The following MINDY4 variants were observed in gnomAD, a reference collection of about 807,000 sequenced individuals.
MINDY4 encodes probable ubiquitin carboxyl-terminal hydrolase MINDY-4.
A neutral mutation model predicts 87.0 loss-of-function variants in MINDY4; 68 were observed. The observed-to-expected ratio is 0.78, with a 90% CI of 0.64 to 0.96. The LOEUF (loss-of-function observed/expected upper bound fraction) is 0.96, where lower values mean the gene tolerates loss of function less well. MINDY4 is among the 40% of genes least tolerant of loss of function. The pLI, the probability that MINDY4 is intolerant of heterozygous loss-of-function variation, is 0.00. For missense variants in MINDY4, 919 were observed against 928.2 expected, an observed-to-expected ratio of 0.99 and a Z score of 0.13; for synonymous variants, 379 against 363.2, an observed-to-expected ratio of 1.04 and a Z score of -0.50.
intron 13 of MINDY4, among the ~76,000 whole-genome samples, chr7:30,861,250 T>C (rs769383278): frequency 1.3e-5 from 2 of 152,162 alleles, no homozygotes; most frequent in Non-Finnish European, 2.9e-5. Context: ...CCTTCCCCTC[T>C]CCTAAGACGA....
At chr7:30,850,304 T>A in intron 9 of MINDY4, 150 bp from the exon 10 acceptor site, 1 of 695,338 alleles carries the variant, frequency 1.4e-6, no homozygotes, top group South Asian at 1.8e-5. Context: ...GGCTTTGCCT[T>A]GGGGCTCCTG....
intron 3 of MINDY4, among the ~76,000 whole-genome samples, chr7:30,783,455 A>G (rs894178136): frequency 2.0e-5 from 3 of 152,184 alleles, no homozygotes; most frequent in Non-Finnish European, 4.4e-5. Context: ...GGGTTAACCC[A>G]CTTATGCCTA....
chr7:30,837,364 G>A (rs1323400010), intron 7 of MINDY4, among the ~76,000 whole-genome samples: 1 of 152,174 alleles, frequency 6.6e-6, no homozygotes, highest in Admixed American at 6.5e-5. Flanking sequence ...CATTCCCGCT[G>A]TCCTCTTCTG....
chr7:30,816,291 C>CT (rs975944763), intron 5 of MINDY4, among the ~76,000 whole-genome samples: 2 of 144,842 alleles, frequency 1.4e-5, no homozygotes, highest in Admixed American at 6.7e-5. Flanking sequence ...ACTTCTGAGT[C>CT]TGAGACTGTG....
At chr7:30,833,876 A>G (rs974383261) in intron 6 of MINDY4, among the ~76,000 whole-genome samples, 2 of 152,204 alleles carry the variant, frequency 1.3e-5, no homozygotes, top group African/African-American at 4.8e-5. Context: ...CTCCAAAGTG[A>G]TCTCCTTTGA....
chr7:30,863,499 G>C (rs533664051), intron 13 of MINDY4, among the ~76,000 whole-genome samples: 8 of 152,346 alleles, frequency 5.3e-5, no homozygotes, highest in African/African-American at 1.9e-4. Flanking sequence ...GTGTGATGGA[G>C]AGGGCATAGT....
intron 3 of MINDY4, among the ~76,000 whole-genome samples, 172 bp downstream of exon 3, chr7:30,782,384 A>G (rs965885918): frequency 1.3e-5 from 2 of 151,726 alleles, no homozygotes; most frequent in African/African-American, 4.8e-5. Flanking sequence ...ATGTATCTAT[A>G]TGCATATGTA....
intron 13 of MINDY4, among the ~76,000 whole-genome samples, chr7:30,871,552 C>A (rs1429779515): frequency 2.0e-5 from 3 of 152,176 alleles, no homozygotes; most frequent in African/African-American, 7.2e-5. Flanking sequence ...CGGTGCTCAG[C>A]CCATTTCTTT....
At chr7:30,772,701 C>T (rs912518202) in intron 1 of MINDY4, among the ~76,000 whole-genome samples, 2 of 152,080 alleles carry the variant, frequency 1.3e-5, no homozygotes, top group South Asian at 2.1e-4. Flanking sequence ...ATTTTAAATG[C>T]GTTTGGCTTT....
intron 4 of MINDY4, among the ~76,000 whole-genome samples, chr7:30,789,411 A>G (rs1362129733): frequency 1.3e-5 from 2 of 152,224 alleles, no homozygotes; most frequent in South Asian, 4.1e-4. Flanking sequence ...TAGAAGGGAC[A>G]TTGTGGCCTT....
chr7:30,856,865 AG>A (rs1333111187), intron 12 of MINDY4, among the ~76,000 whole-genome samples: 2 of 151,792 alleles, frequency 1.3e-5, no homozygotes, highest in East Asian at 3.9e-4. Context: ...CCCCCTGTGC[AG>A]GGGGAGACAT....
At chr7:30,814,876 A>T (rs1000922201) in intron 5 of MINDY4, among the ~76,000 whole-genome samples, 1 of 152,242 alleles carries the variant, frequency 6.6e-6, no homozygotes, top group Non-Finnish European at 1.5e-5. Context: ...TGTTTCGAAC[A>T]TGTGGCTCAC....
Position 30,791,535 on chromosome 7 carries a change from G to C in MINDY4, c.1034G>C (p.Arg345Thr). 6.2e-7 allele frequency: 1 copy of C among 1,613,662 alleles called. No homozygotes were observed. Among genetic ancestry groups the C allele is most frequent in the Non-Finnish European group, 8.5e-7 (1 of 1,179,704 alleles). ...NSRMTQERLE[R>T]AFKRQGSQPA... is the part of the protein sequence containing the mutation. ...AGGATGACCCAGGAGAGGCTGGAAA[G>C]AGCGTTCAAACGGCAGGGCAGCCAG... Residue 345 changes from arginine (R) to threonine (T), a missense_variant, in exon 5 of 18, where the codon AGA (arginine) becomes ACA (threonine). By Grantham distance (71) the Arg-to-Thr change is moderately conservative. Coordinates refer to ENST00000265299, the MANE Select transcript of MINDY4 (RefSeq NM_032222.3).
chr7:30,847,049 G>C (rs990363660), intron 9 of MINDY4, among the ~76,000 whole-genome samples: 24 of 152,266 alleles, frequency 1.6e-4, no homozygotes, highest in African/African-American at 5.8e-4. Context: ...GAATGGCAGT[G>C]TTGGAATGAT....
intron 13 of MINDY4, among the ~76,000 whole-genome samples, chr7:30,867,494 T>G (rs1789975392): frequency 6.6e-6 from 1 of 152,188 alleles, no homozygotes; most frequent in African/African-American, 2.4e-5. Context: ...GAGGCATCAT[T>G]GTACCTGTAT....
intron 12 of MINDY4, among the ~76,000 whole-genome samples, chr7:30,854,073 G>A (rs527268695): frequency 3.7e-4 from 56 of 152,316 alleles, no homozygotes; most frequent in Non-Finnish European, 4.7e-4. Flanking sequence ...ACAGGGCTCC[G>A]GGAAGTCATG....
At chr7:30,887,992 T>C (rs1230327697) in intron 17 of MINDY4, among the ~76,000 whole-genome samples, 1 of 152,186 alleles carries the variant, frequency 6.6e-6, no homozygotes, top group African/African-American at 2.4e-5. Flanking sequence ...ATTTAAAGCA[T>C]ACAAGAGGCG....
chr7:30,860,759 G>A (rs1789734729), intron 13 of MINDY4, among the ~76,000 whole-genome samples: 1 of 152,148 alleles, frequency 6.6e-6, no homozygotes. Flanking sequence ...GGGCTTCAGG[G>A]TTCCATGCCC....
At chr7:30,867,798 C>T (rs564825444) in intron 13 of MINDY4, among the ~76,000 whole-genome samples, 6 of 152,198 alleles carry the variant, frequency 3.9e-5, no homozygotes, top group Admixed American at 6.5e-5. Context: ...CCCTAGTGGT[C>T]AGGTGGAGGG....
Sources: allele counts gnomAD v4.1 joint callset (sites outside exome capture counted in the v4.1 genomes callset), GRCh38; gene constraint gnomAD v4.1.1; transcripts MANE v1.5; gene names NCBI Gene and HGNC (gene_info 2026-07-23, HGNC 2026-07-21).